The following MYO3A variants were observed in gnomAD, a reference collection of about 807,000 sequenced individuals.
MYO3A encodes myosin IIIA, also known as myosin-IIIa.
In MYO3A, 180 loss-of-function variants were observed where a neutral mutation model predicts 192.7. The observed-to-expected ratio is 0.93, with a 90% CI of 0.83 to 1.06. The LOEUF is 1.06. Among genes scored for constraint, MYO3A ranks in the 50% least tolerant of loss-of-function variants. The pLI is 0.00. For missense variants in MYO3A, 1,896 were observed against 1,905.0 expected (o/e 1.00, Z 0.09); for synonymous variants, 628 against 645.3 (o/e 0.97, Z 0.41).
At chr10:26,025,503 C>CAATCAAA (rs1246907269) in intron 9 of MYO3A, among the ~76,000 whole-genome samples, 1 of 152,106 alleles carries the variant, frequency 6.6e-6, no homozygotes, top group African/African-American at 2.4e-5. Context: ...TAAATATCTC[C>CAATCAAA]AATCAAAATA....
At chr10:26,043,808 C>G (rs1036611929) in intron 10 of MYO3A, among the ~76,000 whole-genome samples, 1 of 152,186 alleles carries the variant, frequency 6.6e-6, no homozygotes, top group African/African-American at 2.4e-5. Flanking sequence ...ATGCTGTATG[C>G]CCCTGTGGCA....
chr10:26,000,978 A>AT (rs1215892590), intron 6 of MYO3A, among the ~76,000 whole-genome samples: 2 of 152,140 alleles, frequency 1.3e-5, no homozygotes, highest in Non-Finnish European at 2.9e-5. Context: ...AGAGAGAGTG[A>AT]TGGGGGAAGG....
intron 10 of MYO3A, among the ~76,000 whole-genome samples, chr10:26,033,442 A>G (rs1239518938): frequency 6.6e-6 from 1 of 152,180 alleles, no homozygotes; most frequent in Non-Finnish European, 1.5e-5. Context: ...TCCAGGGATT[A>G]TCTTAACCTA....
At chr10:26,192,624 T>TCCTC (rs200465601) in intron 31 of MYO3A, among the ~76,000 whole-genome samples, 3 of 150,588 alleles carry the variant, frequency 2.0e-5, no homozygotes, top group Non-Finnish European at 3.0e-5. Context: ...GTTCTTTCCT[T>TCCTC]CCTCCCTCCC....
chr10:26,088,739 G>A (rs1836497853), intron 15 of MYO3A, among the ~76,000 whole-genome samples: 1 of 152,172 alleles, frequency 6.6e-6, no homozygotes, highest in Non-Finnish European at 1.5e-5. Flanking sequence ...TTAATTAGAA[G>A]TAACTGAGTC....
At chr10:26,138,656 A>G (rs1468027215) in intron 20 of MYO3A, among the ~76,000 whole-genome samples, 1 of 152,204 alleles carries the variant, frequency 6.6e-6, no homozygotes, top group Non-Finnish European at 1.5e-5. Flanking sequence ...CAGAGAGGCA[A>G]TGCAAGAGCA....
chr10:25,957,026 C>G (rs1258660383), intron 4 of MYO3A, among the ~76,000 whole-genome samples: 1 of 152,180 alleles, frequency 6.6e-6, no homozygotes, highest in East Asian at 1.9e-4. Context: ...ATAATAGCCT[C>G]TGGCTCCAAT....
At chr10:26,084,361 T>A (rs751075106) in intron 14 of MYO3A, among the ~76,000 whole-genome samples, 7 of 152,210 alleles carry the variant, frequency 4.6e-5, no homozygotes, top group Non-Finnish European at 1.0e-4. Flanking sequence ...TATTGAGGAT[T>A]TTTGCATCAG....
intron 4 of MYO3A, among the ~76,000 whole-genome samples, chr10:25,995,146 C>A (rs1840340580): frequency 6.6e-6 from 1 of 152,214 alleles, no homozygotes; most frequent in Non-Finnish European, 1.5e-5. Context: ...TTCAGGTACA[C>A]CAATCAGACG....
intron 31 of MYO3A, among the ~76,000 whole-genome samples, chr10:26,177,349 C>T (rs1842386410): frequency 6.6e-6 from 1 of 152,150 alleles, no homozygotes; most frequent in Admixed American, 6.5e-5. Context: ...CTCCCTCTCC[C>T]CAGAGCTGTG....
intron 2 of MYO3A, among the ~76,000 whole-genome samples, chr10:25,942,559 C>A (rs763972919): frequency 5.9e-5 from 9 of 152,296 alleles, no homozygotes; most frequent in Middle Eastern, 6.8e-3. Context: ...GCTAGCAATG[C>A]GCAAGAGTTC....
At chr10:26,007,458 G>A (rs1182091680) in intron 6 of MYO3A, among the ~76,000 whole-genome samples, 2 of 150,978 alleles carry the variant, frequency 1.3e-5, no homozygotes, top group Non-Finnish European at 2.9e-5. Flanking sequence ...GTTTGCAGAT[G>A]ACATGATTGT....
At chr10:26,018,111 CTT>C (rs143254139) in intron 7 of MYO3A, among the ~76,000 whole-genome samples, 1,615 of 151,694 alleles carry the variant, frequency 0.011, 25 homozygotes, top group African/African-American at 0.036. Context: ...AGTAAAAACA[CTT>C]ATTAATATGC....
chr10:26,013,704 A>G (rs1161873876), intron 6 of MYO3A, among the ~76,000 whole-genome samples: 1 of 152,070 alleles, frequency 6.6e-6, no homozygotes, highest in Non-Finnish European at 1.5e-5. Context: ...GGAAAATAGT[A>G]TGGAGACTCC....
chr10:26,212,148 C>T lies in MYO3A; in HGVS notation c.*185C>T, dbSNP rs1021039918. On this transcript the variant is annotated 3_prime_UTR_variant, in exon 35 of 35. Transcript: ENST00000642920. Reference sequence around the variant, plus strand: ...GGCCTTCGTGCTCCGAAACAAGAGACCTGGGAGCCCTCGGGAAACCTCCCC... The same window carrying T: ...GGCCTTCGTGCTCCGAAACAAGAGATCTGGGAGCCCTCGGGAAACCTCCCC... 9 of 880,064 alleles carry T rather than the reference C, an allele frequency of 1.0e-5. No homozygotes were observed. The Admixed American group carries it at 2.7e-4, about 26-fold the overall frequency. 54.5% of individuals were successfully genotyped at this position (880,064 alleles called of 1,614,324 possible). A position where few individuals can be genotyped will look rare whatever the true frequency, so the allele number is the denominator to read the frequency against.
At chr10:26,032,460 C>CA (rs757347243) in intron 10 of MYO3A, among the ~76,000 whole-genome samples, 11 of 151,820 alleles carry the variant, frequency 7.2e-5, no homozygotes, top group Non-Finnish European at 1.5e-4. Context: ...ACTAAAAATA[C>CA]AAAAAATTAG....
At chr10:26,078,834 T>C (rs1835755260) in intron 14 of MYO3A, among the ~76,000 whole-genome samples, 2 of 152,082 alleles carry the variant, frequency 1.3e-5, no homozygotes, top group African/African-American at 4.8e-5. Flanking sequence ...TCTTTTGGAG[T>C]TGATTTCCAG....
At chr10:26,176,338 C>A (rs531324306) in intron 30 of MYO3A, among the ~76,000 whole-genome samples, 104 of 151,850 alleles carry the variant, frequency 6.8e-4, no homozygotes, top group African/African-American at 2.5e-3. Flanking sequence ...GAGGTTTACA[C>A]AATCAAAGGC....
chr10:26,066,564 T>A (rs774491932), intron 10 of MYO3A, among the ~76,000 whole-genome samples: 7 of 152,190 alleles, frequency 4.6e-5, no homozygotes, highest in Non-Finnish European at 1.0e-4. Context: ...CCTGTTAAAT[T>A]TTGCTGAATA....
Sources: allele counts gnomAD v4.1 joint callset (sites outside exome capture counted in the v4.1 genomes callset), GRCh38; gene constraint gnomAD v4.1.1; transcripts MANE v1.5; gene names NCBI Gene and HGNC (gene_info 2026-07-23, HGNC 2026-07-21).